Variants in HVCN1 observed in about 807,000 individuals in gnomAD.
HVCN1 encodes the protein hydrogen voltage gated channel 1.
Under a neutral mutation model 29.2 loss-of-function variants are expected in HVCN1, and 14 were observed. That is an observed-to-expected ratio of 0.48 (90% CI 0.32 to 0.75). The LOEUF (loss-of-function observed/expected upper bound fraction) is 0.75, where lower values mean the gene tolerates loss of function less well. Among genes scored for constraint, HVCN1 ranks in the 30% least tolerant of loss-of-function variants. HVCN1 has a pLI of 0.04. For synonymous variants in HVCN1, 131 were observed against 133.2 expected, an observed-to-expected ratio of 0.98 and a Z score of 0.11; for missense variants, 263 against 341.8, an observed-to-expected ratio of 0.77 and a Z score of 1.82.
At chr12:110,690,495 T>C (rs1169592877), upstream of HVCN1, among the ~76,000 whole-genome samples, 1 of 152,174 alleles carries the variant, frequency 6.6e-6, no homozygotes, top group Non-Finnish European at 1.5e-5. Context: ...TTTCTTTTTT[T>C]TGGAACGGAG....
intron 2 of HVCN1, among the ~76,000 whole-genome samples, chr12:110,701,637 ACTTGGGGT>A (rs2069564812): frequency 6.6e-6 from 1 of 152,152 alleles, no homozygotes; most frequent in South Asian, 2.1e-4. Flanking sequence ...TAGGCAGATC[ACTTGGGGT>A]CAGGAGTTCA....
At chr12:110,692,422 A>G (rs2069423055), upstream of HVCN1, among the ~76,000 whole-genome samples, 1 of 152,162 alleles carries the variant, frequency 6.6e-6, no homozygotes, top group African/African-American at 2.4e-5. Context: ...TGAGGCCAAC[A>G]ATACTTAAAG....
chr12:110,668,318 A>C (rs2068441553), intron 3 of HVCN1, among the ~76,000 whole-genome samples: 1 of 152,142 alleles, frequency 6.6e-6, no homozygotes, highest in Non-Finnish European at 1.5e-5. Flanking sequence ...CCTGACCAAC[A>C]TGGCGAAACC....
chr12:110,697,740 T>C (rs1207452552), intron 2 of HVCN1, among the ~76,000 whole-genome samples: 2 of 150,682 alleles, frequency 1.3e-5, no homozygotes, highest in Non-Finnish European at 2.9e-5. Context: ...AACCTCCGTC[T>C]CCCAGGTTCA....
At chr12:110,649,569 A>G in intron 7 of HVCN1, 94 bp from the exon 8 acceptor site, 1 of 880,378 alleles carries the variant, frequency 1.1e-6, no homozygotes. Context: ...ACAGGACCAC[A>G]GAGATGAATG....
chr12:110,669,775 G>A (rs552124269), intron 3 of HVCN1, among the ~76,000 whole-genome samples: 1 of 152,292 alleles, frequency 6.6e-6, no homozygotes, highest in East Asian at 1.9e-4. Flanking sequence ...TGGTTAAGAG[G>A]CCGGGCGCGG....
intron 3 of HVCN1, among the ~76,000 whole-genome samples, chr12:110,672,506 T>C (rs957435920): frequency 2.0e-5 from 3 of 152,152 alleles, no homozygotes; most frequent in East Asian, 1.9e-4. Context: ...TCTACGATTA[T>C]GGGAAAACTG....
At chr12:110,691,450 A>T (rs919462745), upstream of HVCN1, among the ~76,000 whole-genome samples, 1 of 152,174 alleles carries the variant, frequency 6.6e-6, no homozygotes, top group Non-Finnish European at 1.5e-5. Context: ...TTTCTAAGGC[A>T]TAGTCTGGTC....
intron 2 of HVCN1, among the ~76,000 whole-genome samples, chr12:110,687,697 G>A (rs537816046): frequency 6.6e-6 from 1 of 152,286 alleles, no homozygotes; most frequent in Non-Finnish European, 1.5e-5. Flanking sequence ...TATGCTTTGG[G>A]TTAGAACTTG....
chr12:110,679,163 A>C (rs1292888658), intron 3 of HVCN1, among the ~76,000 whole-genome samples: 1 of 152,212 alleles, frequency 6.6e-6, no homozygotes, highest in Non-Finnish European at 1.5e-5. Context: ...AAGGCACCCC[A>C]AAACCTGAGT....
At chr12:110,690,636 CCTGA>C (rs1325939317), upstream of HVCN1, among the ~76,000 whole-genome samples, 5 of 152,072 alleles carry the variant, frequency 3.3e-5, no homozygotes, top group South Asian at 2.1e-4. Flanking sequence ...CATCACCATG[CCTGA>C]CTAATTTTTG....
intron 3 of HVCN1, among the ~76,000 whole-genome samples, chr12:110,677,459 C>T (rs935564267): frequency 1.3e-5 from 2 of 152,202 alleles, no homozygotes; most frequent in Admixed American, 6.5e-5. Flanking sequence ...AGGAGCTGGC[C>T]AGGCCTTCCC....
Position 110,651,334 on chromosome 12 carries a change from C to T in HVCN1, c.526G>A (p.Val176Ile), listed in dbSNP as rs149175563. 107 of 1,613,728 alleles carry T rather than the reference C, an allele frequency of 6.6e-5. No homozygotes were observed. Among genetic ancestry groups the T allele is most frequent in the Admixed American group, 1.5e-4 (9 of 59,998 alleles). The change falls in exon 6 of 8, where the codon GTC becomes ATC. Residue 176 changes from valine (V) to isoleucine (I), a missense_variant. Val to Ile is a conservative substitution (Grantham distance 29). Around this residue, in one of 3 missense-constraint regions of HVCN1, gnomAD observed 55 missense variants for 109.4 expected, o/e 0.50. Transcript: ENST00000242607. ...AGGATGAATGAGACCACCACCACGA[C>T]GGCATCCAGGATCTCAAACTTGTGG... is the stretch of plus-strand genomic sequence containing the variant. ...FHHKFEILDAVVVVVSFILDI... is the reference protein window; with the variant it reads ...FHHKFEILDAIVVVVSFILDI...
intron 2 of HVCN1, among the ~76,000 whole-genome samples, chr12:110,684,131 G>C (rs2069094432): frequency 6.6e-6 from 1 of 151,992 alleles, no homozygotes; most frequent in African/African-American, 2.4e-5. Context: ...GGGAAGGATG[G>C]GGAGTGACTG....
chr12:110,697,838 G>T (rs750979191), intron 2 of HVCN1, among the ~76,000 whole-genome samples: 1 of 152,088 alleles, frequency 6.6e-6, no homozygotes, highest in Non-Finnish European at 1.5e-5. Context: ...TTTTAGTAGA[G>T]ATGGGGTTTC....
intron 4 of HVCN1, among the ~76,000 whole-genome samples, chr12:110,660,826 G>A (rs1448135802): frequency 6.6e-6 from 1 of 152,158 alleles, no homozygotes; most frequent in Non-Finnish European, 1.5e-5. Context: ...TCAGCACCAT[G>A]TTTTCAAGGT....
Position 110,649,393 on chromosome 12 carries a change from G to T in HVCN1, c.*17C>A. On this transcript the variant is annotated 3_prime_UTR_variant, in exon 8 of 8. Transcript: ENST00000242607. ...CCATGAGACAGTGTCTTCTTTTTGAGGGGAGCTGGTCCGGGTCTAGTTCAC... is the reference window on the plus strand; with the variant it reads ...CCATGAGACAGTGTCTTCTTTTTGATGGGAGCTGGTCCGGGTCTAGTTCAC... 1.9e-6 allele frequency: 3 copies of T among 1,599,728 alleles called. No homozygotes were observed. The highest frequency in any genetic ancestry group is 2.6e-6 in the Non-Finnish European group (3 of 1,169,060).
upstream of HVCN1, among the ~76,000 whole-genome samples, chr12:110,694,355 C>T (rs551432159): frequency 6.6e-6 from 1 of 152,334 alleles, no homozygotes; most frequent in African/African-American, 2.4e-5. This position sits in a 1 kb window ranked among gnomAD's most constrained non-coding sequence, Gnocchi z 4.6. Flanking sequence ...AGCCACCGCG[C>T]CTGGCCACAT....
rs1408490466 is a variant in HVCN1, at chr12:110,651,321, A to G, written c.539T>C (p.Val180Ala). ...GAGGACAATGTCGAGGATGAATGAGACCACCACCACGACGGCATCCAGGAT... is the reference window on the plus strand; with the variant it reads ...GAGGACAATGTCGAGGATGAATGAGGCCACCACCACGACGGCATCCAGGAT... ...FEILDAVVVV[V>A]SFILDIVLLF... Residue 180 changes from valine to alanine, a missense_variant, in exon 6 of 8, where the codon GTC (valine) becomes GCC (alanine). Transcript: ENST00000242607. 3.7e-6 allele frequency: 6 copies of G among 1,613,712 alleles called. No homozygotes were observed. The highest frequency in any genetic ancestry group is 2.2e-5 in the South Asian group (2 of 91,064).
Sources: gnomAD v4.1 joint callset for allele counts (sites outside exome capture counted in the v4.1 genomes callset) on GRCh38, gnomAD v4.1.1 for gene constraint, gnomAD v4.1.1 regional missense constraint, Gnocchi (gnomAD v3.1) non-coding constraint, MANE v1.5 for transcripts, NCBI Gene and HGNC (gene_info 2026-07-23, HGNC 2026-07-21) for gene names.